ANK3: variants seen among roughly 807,000 people sequenced by gnomAD.
ANK3 encodes ankyrin-3.
In ANK3, 57 loss-of-function variants were observed where a neutral mutation model predicts 370.9. The observed-to-expected ratio is 0.15, with a 90% CI of 0.12 to 0.19. The LOEUF (loss-of-function observed/expected upper bound fraction) is 0.19, where lower values mean the gene tolerates loss of function less well. Among genes scored for constraint, ANK3 ranks in the 10% least tolerant of loss-of-function variants. The pLI is 1.00. For missense variants in ANK3, 4,439 were observed against 5,302.1 expected, an observed-to-expected ratio of 0.84 and a Z score of 5.06; for synonymous variants, 1,929 against 1,946.3, an observed-to-expected ratio of 0.99 and a Z score of 0.23.
chr10:60,428,696 A>G (rs1225191028), intron 2 of ANK3, among the ~76,000 whole-genome samples: 1 of 152,204 alleles, frequency 6.6e-6, no homozygotes, highest in Non-Finnish European at 1.5e-5. Flanking sequence ...CCCTGAATAA[A>G]TCAGTATTAT....
At chr10:60,497,825 G>C (rs142531387) in intron 2 of ANK3, among the ~76,000 whole-genome samples, 4 of 152,066 alleles carry the variant, frequency 2.6e-5, no homozygotes, top group Non-Finnish European at 5.9e-5. Flanking sequence ...CAGAGATATA[G>C]ATGCACCATA....
At chr10:60,724,383 T>C (rs914429065) in intron 1 of ANK3, among the ~76,000 whole-genome samples, 2 of 152,098 alleles carry the variant, frequency 1.3e-5, no homozygotes, top group South Asian at 4.2e-4. Context: ...CAAAGTTAAC[T>C]TGGAAAACAA....
chr10:60,351,936 T>C (rs1221756322), intron 1 of ANK3, among the ~76,000 whole-genome samples: 2 of 151,850 alleles, frequency 1.3e-5, no homozygotes, highest in Non-Finnish European at 2.9e-5. Context: ...AAAAAAAAAA[T>C]ACCACTATAA....
chr10:60,733,235 G>A (rs747077305), intron 1 of ANK3: 3 of 1,239,536 alleles, frequency 2.4e-6, no homozygotes, highest in Non-Finnish European at 3.0e-6. Context: ...GAAGGCAGCC[G>A]CAGGTAGGGG....
chr10:60,326,244 T>G (rs1693001138), intron 1 of ANK3, among the ~76,000 whole-genome samples: 1 of 152,132 alleles, frequency 6.6e-6, no homozygotes, highest in African/African-American at 2.4e-5. Flanking sequence ...AGTTTACATA[T>G]ATAACACACC....
chr10:60,077,043 G>A (rs2084002363), intron 36 of ANK3, among the ~76,000 whole-genome samples: 2 of 152,114 alleles, frequency 1.3e-5, no homozygotes, highest in Non-Finnish European at 1.5e-5. Flanking sequence ...ATTTCATGCA[G>A]AATCCAAAAT....
chr10:60,143,985 G>GAA lies in ANK3; in HGVS notation c.2615-4900_2615-4899dup, dbSNP rs150357642. The stretch of plus-strand genomic sequence containing the variant: ...AGAGAGTCAAAGAGAGAGAGAGAGA[G>GAA]AAAGAGAAATGCCCAGCCAACGCTC... On this transcript the variant is annotated intron_variant, in intron 23 of 43. Transcript: ENST00000280772. Among the ~76,000 whole-genome samples the GAA allele has an allele frequency of 8.9e-3, 1,360 of 152,304 alleles. 20 individuals are homozygous for GAA. The highest frequency in any genetic ancestry group is 0.031 in the African/African-American group (1,297 of 41,564).
chr10:60,213,535 A>AAGGAAAC, intron 8 of ANK3, 25 bp from the exon 9 acceptor site: 1 of 1,503,384 alleles, frequency 6.7e-7, no homozygotes, highest in Non-Finnish European at 9.1e-7. Context: ...AAACATCACC[A>AAGGAAAC]ATTAAATTTG....
intron 2 of ANK3, among the ~76,000 whole-genome samples, chr10:60,410,152 G>A (rs1456938603): frequency 1.3e-5 from 2 of 152,124 alleles, no homozygotes; most frequent in Non-Finnish European, 2.9e-5. Flanking sequence ...AGGCAGGCCA[G>A]GTGTGGTGGC....
upstream of ANK3, among the ~76,000 whole-genome samples, chr10:60,393,691 T>TA (rs1176385852): frequency 6.6e-6 from 1 of 152,172 alleles, no homozygotes; most frequent in Non-Finnish European, 1.5e-5. Flanking sequence ...CTCTAAATAT[T>TA]AATTCAGCCA....
intron 2 of ANK3, among the ~76,000 whole-genome samples, chr10:60,448,130 T>A (rs1414957155): frequency 6.6e-6 from 1 of 152,134 alleles, no homozygotes; most frequent in African/African-American, 2.4e-5. Context: ...GCAGGGAAAG[T>A]CTGCAGCATT....
chr10:60,323,496 G>A (rs960619833), intron 1 of ANK3, among the ~76,000 whole-genome samples: 5 of 152,244 alleles, frequency 3.3e-5, no homozygotes, highest in South Asian at 2.1e-4. Flanking sequence ...TGTTTATCCC[G>A]ACATGTGGGT....
chr10:60,606,612 A>G (rs570230476), intron 2 of ANK3, among the ~76,000 whole-genome samples: 2 of 152,272 alleles, frequency 1.3e-5, no homozygotes, highest in South Asian at 4.2e-4. Context: ...TTGTTTGGCC[A>G]CATTTGACAT....
chr10:60,430,351 G>A (rs779280147), intron 2 of ANK3, among the ~76,000 whole-genome samples: 1 of 151,878 alleles, frequency 6.6e-6, no homozygotes, highest in Non-Finnish European at 1.5e-5. Flanking sequence ...ACCAAACATT[G>A]TCATTCCCCT....
chr10:60,371,033 C>A (rs532652052), intron 1 of ANK3, among the ~76,000 whole-genome samples: 55 of 152,280 alleles, frequency 3.6e-4, no homozygotes, highest in Non-Finnish European at 2.5e-4. Context: ...CTGACAGGTT[C>A]TTTCGGGATC....
chr10:60,569,679 T>A (rs2077546059), intron 2 of ANK3, among the ~76,000 whole-genome samples: 1 of 152,206 alleles, frequency 6.6e-6, no homozygotes, highest in Non-Finnish European at 1.5e-5. Context: ...TGACTCCATA[T>A]TAAATGTCTC....
intron 1 of ANK3, among the ~76,000 whole-genome samples, chr10:60,378,115 T>C (rs141103096): frequency 1.3e-5 from 2 of 152,290 alleles, no homozygotes; most frequent in African/African-American, 4.8e-5. Flanking sequence ...CCCCATCACT[T>C]CGTAAGGCCT....
intron 1 of ANK3, among the ~76,000 whole-genome samples, chr10:60,676,769 G>C (rs1422509889): frequency 1.3e-5 from 2 of 152,212 alleles, no homozygotes; most frequent in African/African-American, 4.8e-5. Context: ...AGAATGAAGA[G>C]AGGTTGGTTA....
chr10:60,666,821 C>T (rs1447789129), intron 1 of ANK3, among the ~76,000 whole-genome samples: 3 of 152,096 alleles, frequency 2.0e-5, no homozygotes, highest in Middle Eastern at 3.2e-3. Flanking sequence ...ACTGCACATA[C>T]CCCATGGCAA....
Sources: gnomAD v4.1 joint callset for allele counts (sites outside exome capture counted in the v4.1 genomes callset) on GRCh38, gnomAD v4.1.1 for gene constraint, MANE v1.5 for transcripts, NCBI Gene and HGNC (gene_info 2026-07-23, HGNC 2026-07-21) for gene names.